Variants in SNX29 observed in about 807,000 individuals in gnomAD.
SNX29 encodes sorting nexin-29.
SNX29 carries 78 observed loss-of-function variants against 102.1 expected under a neutral mutation model. The ratio of observed to expected loss-of-function variants is 0.76; its 90% CI spans 0.64 to 0.92. The LOEUF (loss-of-function observed/expected upper bound fraction) is 0.92. SNX29 is among the 40% of genes least tolerant of loss of function. SNX29 has a pLI of 0.00. For synonymous variants in SNX29, 580 were observed against 414.5 expected, an observed-to-expected ratio of 1.40 and a Z score of -4.85; for missense variants, 1,280 against 1,061.7, an observed-to-expected ratio of 1.21 and a Z score of -2.86.
chr16:12,522,306 C>T (rs1303674103), intron 19 of SNX29, among the ~76,000 whole-genome samples: 4 of 151,680 alleles, frequency 2.6e-5, no homozygotes, highest in South Asian at 2.1e-4. Flanking sequence ...TATTCTCATT[C>T]GCTCAGTCTG....
At chr16:12,308,981 G>T (rs182435717) in intron 15 of SNX29, among the ~76,000 whole-genome samples, 189 of 152,276 alleles carry the variant, frequency 1.2e-3, no homozygotes, top group Non-Finnish European at 2.4e-4. Context: ...AAACATAAAT[G>T]GTTATGGCAG....
intron 14 of SNX29, among the ~76,000 whole-genome samples, chr16:12,273,276 T>C (rs150166906): frequency 3.9e-5 from 6 of 152,266 alleles, no homozygotes; most frequent in Non-Finnish European, 8.8e-5. Flanking sequence ...TCTTGAGATA[T>C]AATGCACATA....
intron 13 of SNX29, among the ~76,000 whole-genome samples, chr16:12,165,632 C>T (rs1397852437): frequency 1.3e-5 from 2 of 152,228 alleles, no homozygotes; most frequent in Non-Finnish European, 2.9e-5. Context: ...GCAATCTTGG[C>T]CCACTGCAAC....
intron 18 of SNX29, among the ~76,000 whole-genome samples, chr16:12,454,599 A>G (rs904207284): frequency 3.3e-5 from 5 of 152,164 alleles, no homozygotes; most frequent in Non-Finnish European, 7.3e-5. Context: ...AAATAACCCG[A>G]AGAGAGAGGT....
At chr16:12,349,040 A>G (rs2081914883) in intron 15 of SNX29, among the ~76,000 whole-genome samples, 1 of 152,192 alleles carries the variant, frequency 6.6e-6, no homozygotes, top group African/African-American at 2.4e-5. Flanking sequence ...GCCTCCCGGT[A>G]GAGGAGCAGA....
intron 13 of SNX29, among the ~76,000 whole-genome samples, chr16:12,193,297 C>T (rs886400081): frequency 6.6e-6 from 1 of 151,946 alleles, no homozygotes; most frequent in Non-Finnish European, 1.5e-5. Flanking sequence ...TGGCAAAACC[C>T]CGTCCCTACT....
chr16:12,461,275 A>G (rs530082056), intron 18 of SNX29, among the ~76,000 whole-genome samples: 1 of 152,222 alleles, frequency 6.6e-6, no homozygotes, highest in East Asian at 1.9e-4. Context: ...GTAGGTGCTC[A>G]ATAAACATTG....
intron 13 of SNX29, among the ~76,000 whole-genome samples, chr16:12,191,233 A>G (rs2076634649): frequency 6.6e-6 from 1 of 152,094 alleles, no homozygotes; most frequent in African/African-American, 2.4e-5. Flanking sequence ...TCAGGTGGTA[A>G]TGCTTGCTCA....
chr16:12,440,399 T>C (rs901762813), intron 18 of SNX29, among the ~76,000 whole-genome samples: 1 of 152,116 alleles, frequency 6.6e-6, no homozygotes, highest in Non-Finnish European at 1.5e-5. Context: ...CCACAACCCT[T>C]CCCCTCCTAG....
chr16:12,450,164 C>T (rs558182859), intron 18 of SNX29, among the ~76,000 whole-genome samples: 1 of 152,240 alleles, frequency 6.6e-6, no homozygotes, highest in African/African-American at 2.4e-5. Flanking sequence ...CCATGTAGAA[C>T]TGTGAGTCCA....
In SNX29 at chr16:12,531,504, C is replaced by T. The variant is rs74009120; in HGVS notation, c.2318+6663C>T. ...GCCCTACCAAGAGGGGACGTGGGGC[C>T]CCACTGTCTCAGGTGTGCAGCACCA... On this transcript the variant is annotated intron_variant, in intron 20 of 20. Coordinates refer to ENST00000566228, the MANE Select transcript of SNX29 (RefSeq NM_032167.5). Among the ~76,000 whole-genome samples the T allele has an allele frequency of 3.8e-3, 576 of 152,292 alleles. 1 individual carries two copies. The highest frequency in any genetic ancestry group is 0.011 in the African/African-American group (462 of 41,556).
intron 20 of SNX29, chr16:12,560,646 C>G (rs1040675576): frequency 1.3e-5 from 2 of 154,710 alleles, no homozygotes; most frequent in African/African-American, 2.4e-5. Flanking sequence ...TGTGCCACCA[C>G]CTAACTAGCA....
chr16:12,544,837 T>TG (rs1039982048), intron 20 of SNX29, among the ~76,000 whole-genome samples: 11 of 152,280 alleles, frequency 7.2e-5, no homozygotes, highest in Middle Eastern at 3.4e-3. Flanking sequence ...AAGAACTCCT[T>TG]GGGGAAATGC....
intron 18 of SNX29, among the ~76,000 whole-genome samples, chr16:12,416,058 G>A (rs577360772): frequency 3.9e-5 from 6 of 152,192 alleles, no homozygotes; most frequent in African/African-American, 7.2e-5. Flanking sequence ...GAGGATGGCC[G>A]CCTGGCTTGT....
intron 18 of SNX29, among the ~76,000 whole-genome samples, chr16:12,461,980 T>TATAA (rs2086808674): frequency 3.0e-5 from 1 of 33,512 alleles, no homozygotes; most frequent in Non-Finnish European, 4.8e-5. Flanking sequence ...AAAAAAAAAA[T>TATAA]ATATATATAT....
chr16:12,095,509 T>G (rs1466484812), intron 11 of SNX29, among the ~76,000 whole-genome samples: 1 of 152,168 alleles, frequency 6.6e-6, no homozygotes, highest in Non-Finnish European at 1.5e-5. Context: ...TCTTTTCTAG[T>G]TGAAAAACAT....
intron 15 of SNX29, among the ~76,000 whole-genome samples, chr16:12,279,813 G>A (rs12931501): frequency 6.6e-5 from 10 of 152,188 alleles, no homozygotes; most frequent in Non-Finnish European, 1.5e-4. Context: ...AATGAATGAA[G>A]GCCTGATGAG....
At chr16:11,988,021 C>T (rs189900392) in intron 1 of SNX29, among the ~76,000 whole-genome samples, 31 of 152,206 alleles carry the variant, frequency 2.0e-4, no homozygotes, top group Admixed American at 1.5e-3. Context: ...AGGCTGGGTA[C>T]GGTGGCTCAT....
chr16:12,549,808 C>G (rs372742306), intron 20 of SNX29, among the ~76,000 whole-genome samples: 4 of 152,380 alleles, frequency 2.6e-5, no homozygotes, highest in African/African-American at 9.6e-5. Flanking sequence ...ATCATGGCTT[C>G]TGTGCCCTGT....
Sources: gnomAD v4.1 joint callset for allele counts (sites outside exome capture counted in the v4.1 genomes callset) on GRCh38, gnomAD v4.1.1 for gene constraint, MANE v1.5 for transcripts, NCBI Gene and HGNC (gene_info 2026-07-23, HGNC 2026-07-21) for gene names.